The following CSMD1 variants were observed in gnomAD, a reference collection of about 807,000 sequenced individuals.
The protein encoded by CSMD1 is CUB and sushi domain-containing protein 1.
Under a neutral mutation model 417.5 loss-of-function variants are expected in CSMD1, and 213 were observed. The ratio of observed to expected loss-of-function variants is 0.51; its 90% CI spans 0.46 to 0.57. The LOEUF is 0.57. Ranked by LOEUF, CSMD1 falls within the 20% of genes least tolerant of loss-of-function variation. CSMD1 has a pLI of 0.00. For missense variants in CSMD1, 6,923 were observed against 4,529.7 expected (o/e 1.53, Z -15.17); for synonymous variants, 2,862 against 1,736.8 (o/e 1.65, Z -16.11).
Position 4,788,104 on chromosome 8 carries a change from A to C in CSMD1, c.86-150546T>G, listed in dbSNP as rs1585098685. 5 of 1,603,590 alleles carry C rather than the reference A, an allele frequency of 3.1e-6. No homozygotes were observed. The East Asian group carries it at 1.1e-4, about 36-fold the overall frequency. On this transcript the variant is annotated intron_variant, in intron 1 of 69. Coordinates refer to ENST00000635120, the MANE Select transcript of CSMD1 (RefSeq NM_033225.6). ...GAGTTGCTTTTGAAATCAGAAAGTCAGTGCAGGGTTGTAGTGTTGATGGGC... is the reference window on the plus strand; with the variant it reads ...GAGTTGCTTTTGAAATCAGAAAGTCCGTGCAGGGTTGTAGTGTTGATGGGC...
chr8:3,603,166 T>C (rs748956676), intron 8 of CSMD1, among the ~76,000 whole-genome samples: 69 of 152,158 alleles, frequency 4.5e-4, no homozygotes, highest in Non-Finnish European at 6.3e-4. Flanking sequence ...ATTTCTTAAG[T>C]AGTTCTTAAA....
intron 12 of CSMD1, among the ~76,000 whole-genome samples, chr8:3,463,942 C>T (rs1306727822): frequency 6.6e-6 from 1 of 152,172 alleles, no homozygotes; most frequent in African/African-American, 2.4e-5. Context: ...CACAAATTTC[C>T]ATTCTCTTAT....
At chr8:3,692,246 T>G (rs781289826) in intron 7 of CSMD1, among the ~76,000 whole-genome samples, 9 of 152,168 alleles carry the variant, frequency 5.9e-5, no homozygotes, top group Non-Finnish European at 1.2e-4. Flanking sequence ...CACAGCCCCC[T>G]TAGTCGCTAT....
chr8:3,318,109 G>A (rs953377536), intron 23 of CSMD1, among the ~76,000 whole-genome samples: 54 of 152,270 alleles, frequency 3.5e-4, no homozygotes, highest in African/African-American at 1.2e-3. Flanking sequence ...CCTTCTCCCT[G>A]AATTTATTTT....
chr8:4,005,685 C>G (rs927215585), intron 4 of CSMD1, among the ~76,000 whole-genome samples: 5 of 152,324 alleles, frequency 3.3e-5, no homozygotes, highest in Admixed American at 3.3e-4. Flanking sequence ...CCACTTCAAA[C>G]AACAGAAGAA....
chr8:3,942,606 A>G (rs944674195), intron 5 of CSMD1, among the ~76,000 whole-genome samples: 2 of 152,170 alleles, frequency 1.3e-5, no homozygotes, highest in African/African-American at 4.8e-5. Context: ...TCTAAAGGCG[A>G]CATTGGTCCG....
chr8:3,870,613 G>C (rs1324288712), intron 5 of CSMD1, among the ~76,000 whole-genome samples: 2 of 152,082 alleles, frequency 1.3e-5, no homozygotes, highest in Non-Finnish European at 2.9e-5. Flanking sequence ...CTTCCAATAT[G>C]TTTATGAATC....
chr8:3,321,902 A>T (rs114843167), intron 23 of CSMD1, among the ~76,000 whole-genome samples: 172 of 152,318 alleles, frequency 1.1e-3, no homozygotes, highest in African/African-American at 4.0e-3. Context: ...AGAAATATGC[A>T]ATTAGGGGAA....
chr8:3,997,270 T>C (rs1207058904), intron 5 of CSMD1, among the ~76,000 whole-genome samples: 1 of 152,228 alleles, frequency 6.6e-6, no homozygotes, highest in Non-Finnish European at 1.5e-5. Flanking sequence ...GATACTATTC[T>C]TGCAATCACG....
chr8:4,524,771 A>G (rs1277740129), intron 2 of CSMD1, among the ~76,000 whole-genome samples: 1 of 152,100 alleles, frequency 6.6e-6, no homozygotes, highest in Admixed American at 6.6e-5. Context: ...CTATCGACAA[A>G]GTATTTAGAA....
At chr8:3,311,416 A>ATTTTTGTATTTT (rs1805336343) in intron 23 of CSMD1, among the ~76,000 whole-genome samples, 1 of 151,944 alleles carries the variant, frequency 6.6e-6, no homozygotes, top group Non-Finnish European at 1.5e-5. Flanking sequence ...CACCCAGCTA[A>ATTTTTGTATTTT]TTTTTGTATT....
intron 1 of CSMD1, among the ~76,000 whole-genome samples, chr8:4,718,218 T>A (rs1322755223): frequency 1.3e-5 from 2 of 152,144 alleles, no homozygotes; most frequent in Non-Finnish European, 2.9e-5. Context: ...CTTAAGTGAT[T>A]CTCCTGTCTC....
chr8:3,309,234 C>A (rs1805134006), intron 23 of CSMD1, among the ~76,000 whole-genome samples: 1 of 152,154 alleles, frequency 6.6e-6, no homozygotes, highest in Non-Finnish European at 1.5e-5. Context: ...AGAATCCTGA[C>A]AGCCAGCACT....
At chr8:4,163,264 T>C (rs78287867) in intron 3 of CSMD1, among the ~76,000 whole-genome samples, 3,932 of 152,256 alleles carry the variant, frequency 0.026, 77 homozygotes, top group Non-Finnish European at 0.037. Context: ...GTGTGCTTCC[T>C]GGACTGCATG....
At chr8:4,419,208 A>G (rs150228626) in intron 3 of CSMD1, among the ~76,000 whole-genome samples, 14 of 152,300 alleles carry the variant, frequency 9.2e-5, no homozygotes, top group Non-Finnish European at 1.8e-4. Flanking sequence ...CAGACTCCAG[A>G]GTTTCTGTTA....
intron 36 of CSMD1, among the ~76,000 whole-genome samples, chr8:3,182,615 T>TTA (rs1381131348): frequency 4.3e-4 from 28 of 65,428 alleles, no homozygotes; most frequent in Non-Finnish European, 9.6e-4. Flanking sequence ...TGTGTGTGTG[T>TTA]GTGTGTGTGT....
intron 2 of CSMD1, among the ~76,000 whole-genome samples, chr8:4,486,857 C>G (rs926167327): frequency 6.6e-6 from 1 of 152,088 alleles, no homozygotes; most frequent in Non-Finnish European, 1.5e-5. Flanking sequence ...AATTACACAT[C>G]AAGCTCACAA....
At chr8:4,949,735 G>T (rs1163015952) in intron 1 of CSMD1, among the ~76,000 whole-genome samples, 1 of 152,114 alleles carries the variant, frequency 6.6e-6, no homozygotes, top group Non-Finnish European at 1.5e-5. Flanking sequence ...TTCTAAAAAT[G>T]TATTAATTTT....
chr8:3,661,213 T>C (rs541234154), intron 7 of CSMD1, among the ~76,000 whole-genome samples: 2 of 152,270 alleles, frequency 1.3e-5, no homozygotes, highest in East Asian at 1.9e-4. Flanking sequence ...GAGAACCTAA[T>C]TTACGAGTAT....
Sources: allele counts gnomAD v4.1 joint callset (sites outside exome capture counted in the v4.1 genomes callset), GRCh38; gene constraint gnomAD v4.1.1; transcripts MANE v1.5; gene names NCBI Gene and HGNC (gene_info 2026-07-23, HGNC 2026-07-21).